The following LHFPL3 variants were observed in gnomAD, a reference collection of about 807,000 sequenced individuals.
The protein encoded by LHFPL3 is LHFPL tetraspan subfamily member 3 protein.
LHFPL3 carries 5 observed loss-of-function variants against 19.3 expected under a neutral mutation model. The ratio of observed to expected loss-of-function variants is 0.26; its 90% CI spans 0.14 to 0.54. LHFPL3 has a LOEUF of 0.54. Ranked by LOEUF, LHFPL3 falls within the 20% of genes least tolerant of loss-of-function variation. The probability of loss-of-function intolerance (pLI) is 0.94; values close to 1 mark genes in which losing one functional copy is unlikely to be tolerated. For synonymous variants in LHFPL3, 133 were observed against 126.2 expected (o/e 1.05, Z -0.36); for missense variants, 249 against 307.4 (o/e 0.81, Z 1.42).
intron 2 of LHFPL3, among the ~76,000 whole-genome samples, chr7:104,750,096 T>C (rs1054404941): frequency 6.6e-6 from 1 of 152,212 alleles, no homozygotes; most frequent in Non-Finnish European, 1.5e-5. Context: ...AAGTAATCAT[T>C]AGCTGAACAG....
intron 1 of LHFPL3, among the ~76,000 whole-genome samples, chr7:104,705,191 A>T: frequency 6.6e-6 from 1 of 152,318 alleles, no homozygotes; most frequent in East Asian, 1.9e-4. Flanking sequence ...CATTTTGGTA[A>T]CAATTGTTTA....
intron 1 of LHFPL3, among the ~76,000 whole-genome samples, chr7:104,534,238 A>G (rs1794354724): frequency 6.6e-6 from 1 of 152,196 alleles, no homozygotes; most frequent in Non-Finnish European, 1.5e-5. Context: ...CTGATCTCTC[A>G]TCAGAAAAAA....
intron 2 of LHFPL3, among the ~76,000 whole-genome samples, chr7:104,886,490 G>A (rs1158176784): frequency 1.3e-5 from 2 of 151,974 alleles, no homozygotes; most frequent in Non-Finnish European, 2.9e-5. Flanking sequence ...TCAGCCTCCC[G>A]AGTAGTTGGG....
chr7:104,397,587 C>A (rs886843577), intron 1 of LHFPL3, among the ~76,000 whole-genome samples: 1 of 152,124 alleles, frequency 6.6e-6, no homozygotes, highest in African/African-American at 2.4e-5. Context: ...ACTTTCCTTT[C>A]CTCCTTCTCT....
intron 1 of LHFPL3, among the ~76,000 whole-genome samples, chr7:104,434,884 T>C (rs1001923191): frequency 3.3e-5 from 5 of 152,312 alleles, no homozygotes; most frequent in African/African-American, 1.2e-4. Context: ...TGGCAATATT[T>C]TTCATGTAGA....
At chr7:104,746,226 C>T (rs112386440) in intron 2 of LHFPL3, among the ~76,000 whole-genome samples, 1,624 of 152,178 alleles carry the variant, frequency 0.011, 26 homozygotes, top group East Asian at 0.054. Context: ...GCAGGAGAAT[C>T]GCTTAAACCC....
At chr7:104,440,037 G>GC (rs1554394364) in intron 1 of LHFPL3, among the ~76,000 whole-genome samples, 1 of 140,578 alleles carries the variant, frequency 7.1e-6, no homozygotes, top group African/African-American at 2.8e-5. Flanking sequence ...ACAAAGCCTG[G>GC]GGGGGGGGAG....
chr7:104,408,264 TTG>T (rs566505634), intron 1 of LHFPL3, among the ~76,000 whole-genome samples: 189 of 152,356 alleles, frequency 1.2e-3, no homozygotes, highest in African/African-American at 4.4e-3. Flanking sequence ...TTGAAATACA[TTG>T]TTTCTCATTT....
intron 1 of LHFPL3, among the ~76,000 whole-genome samples, chr7:104,507,102 T>A (rs1181749950): frequency 6.6e-6 from 1 of 152,098 alleles, no homozygotes; most frequent in African/African-American, 2.4e-5. Flanking sequence ...CAGCAAACAG[T>A]GCTGAAAGGG....
At chr7:104,785,523 C>T (rs1268206789) in intron 2 of LHFPL3, among the ~76,000 whole-genome samples, 1 of 152,198 alleles carries the variant, frequency 6.6e-6, no homozygotes, top group Non-Finnish European at 1.5e-5. Flanking sequence ...TCAAATTCAA[C>T]ATGTCCAAAA....
At chr7:104,820,582 T>C (rs1017241596) in intron 2 of LHFPL3, among the ~76,000 whole-genome samples, 4 of 152,120 alleles carry the variant, frequency 2.6e-5, no homozygotes, top group Non-Finnish European at 5.9e-5. Flanking sequence ...CTTTCTACAG[T>C]TTATGAGCAA....
intron 1 of LHFPL3, among the ~76,000 whole-genome samples, chr7:104,536,916 C>T (rs545091625): frequency 2.0e-4 from 30 of 152,322 alleles, no homozygotes; most frequent in African/African-American, 7.2e-4. Flanking sequence ...ATTTCATCCT[C>T]CTTCTCCTAT....
chr7:104,679,308 A>G (rs1485154446), intron 1 of LHFPL3, among the ~76,000 whole-genome samples: 1 of 152,258 alleles, frequency 6.6e-6, no homozygotes, highest in Non-Finnish European at 1.5e-5. Context: ...GGGTTCCCCC[A>G]GTATTCATAA....
chr7:104,469,253 A>T (rs1184131769), intron 1 of LHFPL3, among the ~76,000 whole-genome samples: 1 of 152,188 alleles, frequency 6.6e-6, no homozygotes, highest in Non-Finnish European at 1.5e-5. Context: ...CTTTTGTTCT[A>T]TCCCCAGCTC....
chr7:104,591,675 G>A (rs1191866387), intron 1 of LHFPL3, among the ~76,000 whole-genome samples: 1 of 152,148 alleles, frequency 6.6e-6, no homozygotes, highest in African/African-American at 2.4e-5. Flanking sequence ...TTGCTAGGTT[G>A]GGGAAGTTCT....
rs1792623221 is a variant in LHFPL3, at chr7:104,906,779, C to A, written c.*564C>A. On this transcript the variant is annotated 3_prime_UTR_variant, in exon 3 of 3. Coordinates refer to ENST00000424859, the MANE Select transcript of LHFPL3 (RefSeq NM_199000.3). ...CTTCATCTCTACCATTCATTTACTT[C>A]ACTGTGTAATTAGTTACAACCACTC... is the stretch of plus-strand genomic sequence containing the variant. The A allele has an allele frequency of 6.5e-6, 1 of 153,024 alleles. No individual in the cohort carries two copies. Among genetic ancestry groups the A allele is most frequent in the Non-Finnish European group, 1.5e-5 (1 of 68,312 alleles). The allele number at this position is 153,024 out of a possible 1,614,324, so 9.5% of individuals were successfully genotyped here.
chr7:104,368,926 C>T (rs908981094), intron 1 of LHFPL3, among the ~76,000 whole-genome samples: 2 of 152,198 alleles, frequency 1.3e-5, no homozygotes, highest in African/African-American at 4.8e-5. Context: ...TTACTACATA[C>T]TTACCAGCCC....
At position 104,879,771 on chromosome 7, in the gene LHFPL3, A is replaced by C. The variant is rs1792013111; in HGVS notation, c.683-26416A>C. Reference sequence around the variant, plus strand: ...GAGAAACCACAGCAAGTTATCCAGAAGATCTAGCTAATACTGATGAACGTG... The same window carrying C: ...GAGAAACCACAGCAAGTTATCCAGACGATCTAGCTAATACTGATGAACGTG... On this transcript the variant is annotated intron_variant, in intron 2 of 2. Transcript: ENST00000424859. 1.3e-5 allele frequency among the ~76,000 whole-genome samples: 2 copies of C among 152,256 alleles called. 1 individual carries two copies. Among genetic ancestry groups the C allele is most frequent in the South Asian group, 4.1e-4 (2 of 4,834 alleles).
intron 1 of LHFPL3, among the ~76,000 whole-genome samples, chr7:104,722,197 G>A (rs1793502671): frequency 6.6e-6 from 1 of 152,032 alleles, no homozygotes; most frequent in South Asian, 2.1e-4. Context: ...AGGTGTGGAC[G>A]GACTCCAGAT....
Sources: gnomAD v4.1 joint callset for allele counts (sites outside exome capture counted in the v4.1 genomes callset) on GRCh38, gnomAD v4.1.1 for gene constraint, MANE v1.5 for transcripts, NCBI Gene and HGNC (gene_info 2026-07-23, HGNC 2026-07-21) for gene names.